The following DNAJB6 variants were observed in gnomAD, a reference collection of about 807,000 sequenced individuals.
DNAJB6 encodes DnaJ heat shock protein family (Hsp40) member B6, also known as dnaJ homolog subfamily B member 6.
In DNAJB6, 16 loss-of-function variants were observed where a neutral mutation model predicts 42.7. The ratio of observed to expected loss-of-function variants is 0.37; its 90% CI spans 0.25 to 0.57. DNAJB6 has a LOEUF of 0.57. DNAJB6 is among the 20% of genes least tolerant of loss of function. The probability of loss-of-function intolerance (pLI) is 0.74; values close to 1 mark genes in which losing one functional copy is unlikely to be tolerated. For synonymous variants in DNAJB6, 170 were observed against 163.5 expected, an observed-to-expected ratio of 1.04 and a Z score of -0.30; for missense variants, 347 against 416.8, an observed-to-expected ratio of 0.83 and a Z score of 1.46.
intron 2 of DNAJB6, among the ~76,000 whole-genome samples, chr7:157,359,276 TAAAA>T (rs1187339431): frequency 1.3e-5 from 2 of 152,288 alleles, no homozygotes; most frequent in Admixed American, 6.5e-5. Context: ...GGAACCAACT[TAAAA>T]AAATTGTTAA....
At chr7:157,404,327 G>A (rs1045565149) in intron 8 of DNAJB6, among the ~76,000 whole-genome samples, 47 of 150,196 alleles carry the variant, frequency 3.1e-4, no homozygotes, top group African/African-American at 1.2e-3. Flanking sequence ...GTCTTAATCT[G>A]TCAGTTAGGC....
At chr7:157,340,826 G>A (rs1018333075) in intron 1 of DNAJB6, among the ~76,000 whole-genome samples, 2 of 152,070 alleles carry the variant, frequency 1.3e-5, no homozygotes, top group Non-Finnish European at 2.9e-5. Context: ...GTGTCACCAC[G>A]CCTGGCTAAT....
chr7:157,396,517 G>A (rs1021385308), intron 8 of DNAJB6, among the ~76,000 whole-genome samples: 7 of 152,182 alleles, frequency 4.6e-5, no homozygotes, highest in African/African-American at 7.2e-5. Context: ...GCTGTCAGCC[G>A]TGGGGACAGG....
chr7:157,368,979 G>T, intron 5 of DNAJB6: 2 of 343,744 alleles, frequency 5.8e-6, no homozygotes, highest in South Asian at 2.2e-5. Flanking sequence ...CAGTTCTTCA[G>T]TGTGTCTCAA....
intron 8 of DNAJB6, among the ~76,000 whole-genome samples, chr7:157,400,221 G>C (rs1801782829): frequency 6.7e-6 from 1 of 149,914 alleles, no homozygotes; most frequent in Non-Finnish European, 1.5e-5. Flanking sequence ...GGGATGCCTG[G>C]GTCCCCGCGC....
At chr7:157,340,997 T>TGTGTGTGTGCGC (rs902019051) in intron 1 of DNAJB6, among the ~76,000 whole-genome samples, 45 of 118,392 alleles carry the variant, frequency 3.8e-4, no homozygotes, top group African/African-American at 1.2e-3. Context: ...TGTGTGTGTG[T>TGTGTGTGTGCGC]GCGCGCGCGC....
intron 1 of DNAJB6, 51 bp downstream of exon 1, chr7:157,337,195 GC>G (rs1241979793): frequency 6.6e-6 from 1 of 152,286 alleles, no homozygotes; most frequent in East Asian, 1.9e-4. Flanking sequence ...CCCCGCGCGC[GC>G]CCGGCAGACG....
intron 5 of DNAJB6, chr7:157,378,020 A>T (rs1209535821): frequency 6.6e-6 from 1 of 152,228 alleles, no homozygotes; most frequent in African/African-American, 2.4e-5. Context: ...TGTGTGTATT[A>T]CATAAGAGGA....
Position 157,386,380 on chromosome 7 carries a change from C to T in DNAJB6, c.691+769C>T, listed in dbSNP as rs564051705. ...TGGGCTTCTAGTGTCACTTTAATAG[C>T]GTTTCGTGCTGTTCATTCAGGTGGA... is the stretch of plus-strand genomic sequence containing the variant. On this transcript the variant is annotated intron_variant, in intron 8 of 9. Coordinates refer to ENST00000262177, the MANE Select transcript of DNAJB6 (RefSeq NM_058246.4). 3 of 919,172 alleles carry T rather than the reference C, an allele frequency of 3.3e-6. No homozygotes were observed. In the Admixed American group the frequency reaches 1.9e-4, roughly 57 times the overall value. 56.9% of individuals were successfully genotyped at this position (919,172 alleles called of 1,614,324 possible).
intron 5 of DNAJB6, among the ~76,000 whole-genome samples, chr7:157,377,658 A>G (rs2117053106): frequency 6.6e-6 from 1 of 152,298 alleles, no homozygotes; most frequent in South Asian, 2.1e-4. Flanking sequence ...GTCGAGGCCC[A>G]TCCACATTAG....
At position 157,416,118 on chromosome 7, in the gene DNAJB6, G is replaced by A; in HGVS notation, c.*20G>A. 1 of 1,610,074 alleles carries A rather than the reference G, an allele frequency of 6.2e-7. No homozygotes were observed. The highest frequency in any genetic ancestry group is 8.5e-7 in the Non-Finnish European group (1 of 1,177,758). On this transcript the variant is annotated 3_prime_UTR_variant, in exon 10 of 10. Coordinates refer to ENST00000262177, the MANE Select transcript of DNAJB6 (RefSeq NM_058246.4). ...CACTAGACCGGACTTGAGGCACGCG[G>A]TGCACCCCCAGACGCTGGCGCTCCA...
chr7:157,408,832 C>G (rs899453551), intron 8 of DNAJB6, among the ~76,000 whole-genome samples: 1 of 152,236 alleles, frequency 6.6e-6, no homozygotes, highest in African/African-American at 2.4e-5. Context: ...AGGATGGGGC[C>G]GCCCCTGGCG....
At position 157,339,601 on chromosome 7, in the gene DNAJB6, TTGTGTGTGTGTGTG is replaced by T. The variant is rs59577692; in HGVS notation, c.-27+2490_-27+2503del. 5.2e-4 allele frequency among the ~76,000 whole-genome samples: 64 copies of T among 122,430 alleles called. 1 individual carries two copies. Among genetic ancestry groups the T allele is most frequent in the South Asian group, 1.7e-3 (6 of 3,568 alleles). 80.3% of individuals were successfully genotyped at this position (122,430 alleles called of 152,430 possible). A position where few individuals can be genotyped will look rare whatever the true frequency, so the allele number is the denominator to read the frequency against. ...GGCATGAGCCACCGCGCCCGGCCTT[TTGTGTGTGTGTGTG>T]TGTGTGTGTGTGTGTGTGTGTGTGT... On this transcript the variant is annotated intron_variant, in intron 1 of 9. Transcript: ENST00000262177.
At chr7:157,382,200 A>C in intron 5 of DNAJB6, 46 bp from the exon 6 acceptor site, 2 of 1,530,188 alleles carry the variant, frequency 1.3e-6, no homozygotes, top group Non-Finnish European at 1.7e-6. Flanking sequence ...TGAGGAAAAA[A>C]ACTTGAAAAA....
chr7:157,410,184 C>T (rs1795924592), intron 9 of DNAJB6, 183 bp downstream of exon 9: 14 of 1,372,640 alleles, frequency 1.0e-5, no homozygotes, highest in Non-Finnish European at 1.3e-5. Context: ...CGCCCCACGC[C>T]ACGGTGGCTC....
At position 157,373,875 on chromosome 7, in the gene DNAJB6, A is replaced by T. The variant is rs1047191821; in HGVS notation, c.346+6392A>T. ...AGAAGAAGTTAAGGAGTCTTTTTAA[A>T]TACACATAAAAACATCACATACTAA... On this transcript the variant is annotated intron_variant, in intron 5 of 9. Coordinates refer to ENST00000262177, the MANE Select transcript of DNAJB6 (RefSeq NM_058246.4). Among the ~76,000 whole-genome samples, 4 of 152,166 alleles carry T rather than the reference A, an allele frequency of 2.6e-5. No individual in the cohort carries two copies. The East Asian group carries it at 7.7e-4, about 29-fold the overall frequency.
At chr7:157,347,921 G>A (rs1239488021) in intron 1 of DNAJB6, among the ~76,000 whole-genome samples, 5 of 151,726 alleles carry the variant, frequency 3.3e-5, no homozygotes, top group African/African-American at 7.3e-5. Context: ...TCAGCCTCCC[G>A]AGTAGCTGGG....
chr7:157,387,115 GCA>G (rs1189903385), intron 8 of DNAJB6, among the ~76,000 whole-genome samples: 1 of 152,198 alleles, frequency 6.6e-6, no homozygotes, highest in African/African-American at 2.4e-5. Flanking sequence ...TTGCAGGAGG[GCA>G]TAGAGATTGC....
chr7:157,339,484 T>C (rs1798232081), intron 1 of DNAJB6, among the ~76,000 whole-genome samples: 1 of 151,222 alleles, frequency 6.6e-6, no homozygotes, highest in Non-Finnish European at 1.5e-5. Flanking sequence ...ATTTTTTTAG[T>C]AGAGACGGGG....
Sources: gnomAD v4.1 joint callset for allele counts (sites outside exome capture counted in the v4.1 genomes callset) on GRCh38, gnomAD v4.1.1 for gene constraint, MANE v1.5 for transcripts, NCBI Gene and HGNC (gene_info 2026-07-23, HGNC 2026-07-21) for gene names.